The following IGFBP3 variants were observed in gnomAD, a reference collection of about 807,000 sequenced individuals.
The protein encoded by IGFBP3 is insulin like growth factor binding protein 3.
A neutral mutation model predicts 28.6 loss-of-function variants in IGFBP3; 9 were observed. The observed-to-expected ratio is 0.31, with a 90% CI of 0.19 to 0.55. The LOEUF is 0.55. IGFBP3 is among the 20% of genes least tolerant of loss of function. IGFBP3 has a pLI of 0.93. For synonymous variants in IGFBP3, 185 were observed against 188.2 expected (o/e 0.98, Z 0.14); for missense variants, 382 against 428.9 (o/e 0.89, Z 0.97).
intron 1 of IGFBP3, among the ~76,000 whole-genome samples, chr7:45,919,089 T>G (rs1281857293): frequency 1.3e-5 from 2 of 152,252 alleles, no homozygotes; most frequent in Non-Finnish European, 2.9e-5. Flanking sequence ...TTTCCTTGGT[T>G]TCTTCTTAAT....
intron 1 of IGFBP3, among the ~76,000 whole-genome samples, chr7:45,919,627 G>A (rs1259593306): frequency 1.3e-5 from 2 of 152,226 alleles, no homozygotes; most frequent in East Asian, 1.9e-4. Flanking sequence ...TCTGTCCAAC[G>A]TGATCGTTGG....
intron 3 of IGFBP3, 54 bp from the exon 4 acceptor site, chr7:45,914,999 G>C: frequency 6.2e-7 from 1 of 1,604,490 alleles, no homozygotes; most frequent in African/African-American, 1.3e-5. Context: ...TCTGGTGTCA[G>C]GTCGGTGGCC....
chr7:45,916,711 C>G (rs1784613309), intron 2 of IGFBP3, 44 bp from the exon 3 acceptor site: 2 of 1,585,438 alleles, frequency 1.3e-6, no homozygotes, highest in Non-Finnish European at 1.7e-6. Flanking sequence ...ACAGTTTTTA[C>G]TCTAGAATGT....
chr7:45,917,059 G>A, intron 2 of IGFBP3, 154 bp downstream of exon 2: 4 of 644,170 alleles, frequency 6.2e-6, no homozygotes, highest in South Asian at 5.5e-5. Context: ...TTTATGTAAG[G>A]AGAGGAGAGA....
Position 45,913,407 on chromosome 7 carries a change from G to A in IGFBP3, c.*443C>T, listed in dbSNP as rs992805748. The A allele has an allele frequency of 7.2e-5, 11 of 152,244 alleles. No homozygotes were observed. Among genetic ancestry groups the A allele is most frequent in the African/African-American group, 2.2e-4 (9 of 41,444 alleles). 9.4% of individuals were successfully genotyped at this position (152,244 alleles called of 1,614,324 possible). On this transcript the variant is annotated 3_prime_UTR_variant, in exon 5 of 5. Transcript: ENST00000613132. Reference sequence around the variant, plus strand: ...GCGTTGGGATGTCCGGATGACCGGGGTTTAAAGGTTTTCCTATTCTCGATA... The same window carrying A: ...GCGTTGGGATGTCCGGATGACCGGGATTTAAAGGTTTTCCTATTCTCGATA...
chr7:45,917,562 GT>G (rs143703989), intron 1 of IGFBP3, 123 bp from the exon 2 acceptor site: 139,739 of 599,302 alleles, frequency 0.23, 13,618 homozygotes, highest in Admixed American at 0.45. Context: ...ATCCAAGTGA[GT>G]TTTTTTTTTT....
rs1583674350 is a variant in IGFBP3, at chr7:45,921,179, C to T, written c.-39G>A. Reference sequence around the variant, plus strand: ...GGGGCACGCTGCTTGGCAGGCTGGGCGCGCAGGGATGGGGCGACAGTACAC... The same window carrying T: ...GGGGCACGCTGCTTGGCAGGCTGGGTGCGCAGGGATGGGGCGACAGTACAC... On this transcript the variant is annotated 5_prime_UTR_variant, in exon 1 of 5. Coordinates refer to ENST00000613132, the MANE Select transcript of IGFBP3 (RefSeq NM_000598.5). 1 of 1,503,454 alleles carries T rather than the reference C, an allele frequency of 6.7e-7. No individual in the cohort carries two copies. The highest frequency in any genetic ancestry group is 8.9e-7 in the Non-Finnish European group (1 of 1,129,910). 93.1% of individuals were successfully genotyped at this position (1,503,454 alleles called of 1,614,324 possible). A position where few individuals can be genotyped will look rare whatever the true frequency, so the allele number is the denominator to read the frequency against.
rs979079748 is a variant in IGFBP3 at position 45,912,378 on chromosome 7, A to G, written c.*1472T>C. 1 of 152,110 alleles carries G rather than the reference A, an allele frequency of 6.6e-6. No homozygotes were observed. Among genetic ancestry groups the G allele is most frequent in the Admixed American group, 6.5e-5 (1 of 15,276 alleles). The allele number at this position is 152,110 out of a possible 1,614,324, so 9.4% of individuals were successfully genotyped here. A position where few individuals can be genotyped will look rare whatever the true frequency, so the allele number is the denominator to read the frequency against. ...TTTTTTAATGGTAAAAACTTTATTT[A>G]CTATTTATAAATACATTGCAAGACA... On this transcript the variant is annotated 3_prime_UTR_variant, in exon 5 of 5. Coordinates refer to ENST00000613132, the MANE Select transcript of IGFBP3 (RefSeq NM_000598.5).
In IGFBP3 at chr7:45,917,373, G is replaced by T. The variant is rs1784622812; in HGVS notation, c.470C>A (p.Thr157Lys). The T allele has an allele frequency of 1.2e-5, 20 of 1,614,036 alleles. No individual in the cohort carries two copies. Among genetic ancestry groups the T allele is most frequent in the Non-Finnish European group, 1.7e-5 (20 of 1,180,020 alleles). Residue 157 changes from threonine to lysine, a missense_variant, in exon 2 of 5, where the codon ACG becomes AAG. By Grantham distance (78) the Thr-to-Lys change is moderately conservative (BLOSUM62 -1). Transcript: ENST00000613132. ...GSVESPSVSS[T>K]HRVSDPKFHP... is the part of the protein sequence containing the mutation. ...GAACTTGGGATCAGACACCCGGTGC[G>T]TGCTGGAGACGGACGGGCTCTCCAC...
chr7:45,919,044 A>G (rs1784649281), intron 1 of IGFBP3, among the ~76,000 whole-genome samples: 1 of 152,248 alleles, frequency 6.6e-6, no homozygotes. Flanking sequence ...ACGTATTTAT[A>G]CTTCTTTTCT....
chr7:45,921,213 G>T lies in IGFBP3; in HGVS notation c.-73C>A. On this transcript the variant is annotated 5_prime_UTR_variant, in exon 1 of 5. Transcript: ENST00000613132. Reference sequence around the variant, plus strand: ...ATGGGGCGACAGTACACGGCGCGAAGCTGTGGAATCCAGGCAGGAAGCGGC... The same window carrying T: ...ATGGGGCGACAGTACACGGCGCGAATCTGTGGAATCCAGGCAGGAAGCGGC... The T allele has an allele frequency of 6.8e-7, 1 of 1,465,012 alleles. No homozygotes were observed. Among genetic ancestry groups the T allele is most frequent in the Non-Finnish European group, 9.2e-7 (1 of 1,092,750 alleles). The allele number at this position is 1,465,012 out of a possible 1,614,324, so 90.8% of individuals were successfully genotyped here. A position where few individuals can be genotyped will look rare whatever the true frequency, so the allele number is the denominator to read the frequency against.
chr7:45,917,387 C>A lies in IGFBP3; in HGVS notation c.456G>T (p.Pro152=). The A allele has an allele frequency of 2.5e-6, 4 of 1,613,892 alleles. No individual in the cohort carries two copies. The highest frequency in any genetic ancestry group is 3.4e-6 in the Non-Finnish European group (4 of 1,179,986). ...EDRSAGSVES[P]SVSSTHRVSD... Reference sequence around the variant, plus strand: ...ACACCCGGTGCGTGCTGGAGACGGACGGGCTCTCCACACTGCCGGCGCTGC... The same window carrying A: ...ACACCCGGTGCGTGCTGGAGACGGAAGGGCTCTCCACACTGCCGGCGCTGC... Residue 152 remains proline (P), a synonymous_variant, in exon 2 of 5, where the codon CCG becomes CCT. Coordinates refer to ENST00000613132, the MANE Select transcript of IGFBP3 (RefSeq NM_000598.5).
chr7:45,913,860 A>T (rs928994048), intron 4 of IGFBP3, 26 bp from the exon 5 acceptor site: 1 of 152,236 alleles, frequency 6.6e-6, no homozygotes, highest in East Asian at 1.9e-4. Flanking sequence ...AAAGAAATAT[A>T]TTGAAATAAT....
rs950290210 is a variant in IGFBP3 at position 45,913,006 on chromosome 7, C to T, written c.*844G>A. 2.0e-5 allele frequency: 3 copies of T among 152,190 alleles called. No individual in the cohort carries two copies. Among genetic ancestry groups the T allele is most frequent in the African/African-American group, 7.2e-5 (3 of 41,432 alleles). The allele number at this position is 152,190 out of a possible 1,614,324, so 9.4% of individuals were successfully genotyped here. On this transcript the variant is annotated 3_prime_UTR_variant, in exon 5 of 5. Coordinates refer to ENST00000613132, the MANE Select transcript of IGFBP3 (RefSeq NM_000598.5). ...TCTTGAGTTGTTGAACTACAAAACA[C>T]TATTTTCTGCAGTCATCCGAAGAAT...
chr7:45,917,227 G>C lies in IGFBP3; in HGVS notation c.616C>G (p.Arg206Gly). The C allele has an allele frequency of 1.2e-6, 2 of 1,612,256 alleles. No homozygotes were observed. The highest frequency in any genetic ancestry group is 1.7e-6 in the Non-Finnish European group (2 of 1,178,472). The change falls in exon 2 of 5, where the codon CGG becomes GGG. Residue 206 changes from arginine to glycine, a missense_variant. By Grantham distance (125) the Arg-to-Gly change is moderately radical. Transcript: ENST00000613132. ...AAAGCTCTCACATATTCTGTCTCCC[G>C]CTTGGACTCGGAGGAGAAGTTCTGG... ...DTQNFSSESK[R>G]ETEYGPCRRE...
rs948578243 is a variant in IGFBP3 at position 45,917,575 on chromosome 7, A to C, written c.404-136T>G. 3.0e-4 allele frequency: 154 copies of C among 510,230 alleles called. No homozygotes were observed. In the African/African-American group the frequency reaches 7.1e-3, roughly 24 times the overall value. The allele number at this position is 510,230 out of a possible 1,614,324, so 31.6% of individuals were successfully genotyped here. A position where few individuals can be genotyped will look rare whatever the true frequency, so the allele number is the denominator to read the frequency against. ...CAATCCAAGTGAGTTTTTTTTTTTA[A>C]AATACCTCGATGAAGTATTATTCCA... On this transcript the variant is annotated intron_variant, in intron 1 of 4. Transcript: ENST00000613132.
rs911063711 is a variant in IGFBP3 at position 45,915,032 on chromosome 7, C to G, written c.751-87G>C. On this transcript the variant is annotated intron_variant, in intron 3 of 4. Transcript: ENST00000613132. ...GCCAGGGCGCATGATGGTTTGCCAGCGTGACTCTGCTATGCTGAGAAAGCA... is the reference window on the plus strand; with the variant it reads ...GCCAGGGCGCATGATGGTTTGCCAGGGTGACTCTGCTATGCTGAGAAAGCA... 7 of 1,474,772 alleles carry G rather than the reference C, an allele frequency of 4.7e-6. No homozygotes were observed. In the East Asian group the frequency reaches 1.6e-4, roughly 34 times the overall value. The allele number at this position is 1,474,772 out of a possible 1,614,324, so 91.4% of individuals were successfully genotyped here.
Position 45,921,067 on chromosome 7 carries a change from G to T in IGFBP3, c.74C>A (p.Ala25Glu). The T allele has an allele frequency of 6.9e-7, 1 of 1,451,826 alleles. No homozygotes were observed. The highest frequency in any genetic ancestry group is 9.0e-7 in the Non-Finnish European group (1 of 1,110,104). The allele number at this position is 1,451,826 out of a possible 1,614,324, so 89.9% of individuals were successfully genotyped here. The change falls in exon 1 of 5, where the codon GCG becomes GAG. Residue 25 changes from alanine to glutamate, a missense_variant. Physicochemically the swap from Ala to Glu is moderately radical, Grantham distance 107 (BLOSUM62 -1). Coordinates refer to ENST00000613132, the MANE Select transcript of IGFBP3 (RefSeq NM_000598.5). Reference sequence around the variant, plus strand: ...GCCCGCCGAGCTCGCGCCAGCCCGCGCCACCGGCGGCCCGCGGAGCAGCAC... The same window carrying T: ...GCCCGCCGAGCTCGCGCCAGCCCGCTCCACCGGCGGCCCGCGGAGCAGCAC... ...LLVLLRGPPV[A>E]RAGASSAGLG...
At chr7:45,920,711 G>T in intron 1 of IGFBP3, 27 bp downstream of exon 1, 1 of 1,366,726 alleles carries the variant, frequency 7.3e-7, no homozygotes, top group Non-Finnish European at 9.3e-7. Flanking sequence ...GGTGCTGCAC[G>T]CAGCGCACCT....
Sources: gnomAD v4.1 joint callset for allele counts (sites outside exome capture counted in the v4.1 genomes callset) on GRCh38, gnomAD v4.1.1 for gene constraint, MANE v1.5 for transcripts, NCBI Gene and HGNC (gene_info 2026-07-23, HGNC 2026-07-21) for gene names.